Variants in ZNF618 observed in about 807,000 individuals in gnomAD.
The protein encoded by ZNF618 is neural precursor cell expressed, developmentally down-regulated 10.
Under a neutral mutation model 103.0 loss-of-function variants are expected in ZNF618, and 34 were observed. That is an observed-to-expected ratio of 0.33 (90% CI 0.25 to 0.44). ZNF618 has a LOEUF of 0.44. ZNF618 is among the 20% of genes least tolerant of loss of function. The probability of loss-of-function intolerance (pLI) is 1.00; values close to 1 mark genes in which losing one functional copy is unlikely to be tolerated. For missense variants in ZNF618, 1,059 were observed against 1,295.4 expected, an observed-to-expected ratio of 0.82 and a Z score of 2.80; for synonymous variants, 551 against 542.2, an observed-to-expected ratio of 1.02 and a Z score of -0.23.
chr9:113,983,685 C>A (rs1257823301), intron 2 of ZNF618, among the ~76,000 whole-genome samples: 1 of 152,148 alleles, frequency 6.6e-6, no homozygotes, highest in Non-Finnish European at 1.5e-5. Context: ...ACTCTCAGCT[C>A]CAGGTGTTAA....
intron 4 of ZNF618, 68 bp from the exon 5 acceptor site, chr9:114,001,928 C>T (rs1564281603): frequency 7.3e-7 from 1 of 1,367,540 alleles, no homozygotes; most frequent in Non-Finnish European, 1.0e-6. Flanking sequence ...GTAGGCATCG[C>T]CTGTGGGTCC....
chr9:113,971,455 A>G (rs1837956435), intron 2 of ZNF618, among the ~76,000 whole-genome samples: 1 of 152,144 alleles, frequency 6.6e-6, no homozygotes, highest in Non-Finnish European at 1.5e-5. Context: ...TGGTAGGCCC[A>G]GTGCTGTATG....
chr9:114,008,562 G>A lies in ZNF618; in HGVS notation c.754+8G>A, dbSNP rs955776406. The A allele has an allele frequency of 3.7e-6, 6 of 1,613,640 alleles. No individual in the cohort carries two copies. The Admixed American group carries it at 5.0e-5, about 13-fold the overall frequency. On this transcript the variant is annotated splice_region_variant and intron_variant, in intron 9 of 14. Transcript: ENST00000374126. ...TCCAGAAAATCGGGCCAAGTATGCG[G>A]GATTCCCTCTGGGGCCAAGGGCTGG...
intron 5 of ZNF618, among the ~76,000 whole-genome samples, chr9:114,002,381 C>T (rs1200315276): frequency 6.6e-6 from 1 of 152,216 alleles, no homozygotes; most frequent in Non-Finnish European, 1.5e-5. Context: ...CAGTGGCCCC[C>T]ACAGGGCACT....
intron 1 of ZNF618, among the ~76,000 whole-genome samples, chr9:113,930,347 T>G (rs1833461994): frequency 6.6e-6 from 1 of 152,240 alleles, no homozygotes; most frequent in African/African-American, 2.4e-5. Context: ...ACTAGTTAGT[T>G]TAAATCATAG....
chr9:113,974,126 A>G (rs1158880112), intron 2 of ZNF618, among the ~76,000 whole-genome samples: 1 of 152,248 alleles, frequency 6.6e-6, no homozygotes, highest in Non-Finnish European at 1.5e-5. Context: ...TGTAATAAAT[A>G]CATAAAATAT....
intron 3 of ZNF618, among the ~76,000 whole-genome samples, chr9:113,989,025 C>T (rs1427383932): frequency 2.0e-5 from 3 of 152,224 alleles, no homozygotes; most frequent in African/African-American, 7.2e-5. Flanking sequence ...TCCCCTGCCT[C>T]TTCTGGCCTG....
At chr9:113,935,013 G>T (rs1025435902) in intron 1 of ZNF618, among the ~76,000 whole-genome samples, 1 of 152,222 alleles carries the variant, frequency 6.6e-6, no homozygotes, top group Non-Finnish European at 1.5e-5. Flanking sequence ...CTGTCCCCAG[G>T]TGCAAGCCCA....
chr9:114,016,483 G>GGC (rs1307264812), intron 9 of ZNF618, among the ~76,000 whole-genome samples: 2 of 152,156 alleles, frequency 1.3e-5, no homozygotes, highest in Non-Finnish European at 2.9e-5. Flanking sequence ...GGAAAACTGA[G>GGC]GCACAGAGAG....
At chr9:113,924,093 T>C (rs1832871688) in intron 1 of ZNF618, among the ~76,000 whole-genome samples, 1 of 152,100 alleles carries the variant, frequency 6.6e-6, no homozygotes. Flanking sequence ...TTGTAGAGAA[T>C]TGGTATCATT....
intron 1 of ZNF618, among the ~76,000 whole-genome samples, chr9:113,964,199 C>T (rs1296218266): frequency 1.3e-5 from 2 of 152,176 alleles, no homozygotes; most frequent in Non-Finnish European, 2.9e-5. Context: ...GAGGCCCCCA[C>T]ATTTGTGGCA....
intron 12 of ZNF618, among the ~76,000 whole-genome samples, chr9:114,034,512 T>C (rs988233602): frequency 1.3e-5 from 2 of 152,226 alleles, no homozygotes; most frequent in Admixed American, 6.5e-5. Flanking sequence ...GAGCTTTATA[T>C]GTCTTATCTG....
intron 10 of ZNF618, among the ~76,000 whole-genome samples, chr9:114,027,469 C>T (rs1436495838): frequency 1.3e-5 from 2 of 152,330 alleles, no homozygotes; most frequent in African/African-American, 4.8e-5. Flanking sequence ...TGGGCAGCCC[C>T]AGTCCTCACA....
intron 3 of ZNF618, among the ~76,000 whole-genome samples, chr9:113,996,738 C>A (rs1406992443): frequency 6.6e-6 from 1 of 152,202 alleles, no homozygotes; most frequent in Non-Finnish European, 1.5e-5. Context: ...TGGGAGCAGT[C>A]CCAGGGCTCT....
At position 114,056,429 on chromosome 9, in the gene ZNF618, G is replaced by A. The variant is rs1037238823; in HGVS notation, c.*6262G>A. On this transcript the variant is annotated 3_prime_UTR_variant, in exon 15 of 15. Transcript: ENST00000374126. ...TTTAAGTCGCCAAAAGCCCCAGCCC[G>A]GGATTCAGTACCTCCCCTGCCCCCC... 6.6e-6 allele frequency: 1 copy of A among 152,178 alleles called. No individual in the cohort carries two copies. The highest frequency in any genetic ancestry group is 1.5e-5 in the Non-Finnish European group (1 of 68,034). 9.4% of individuals were successfully genotyped at this position (152,178 alleles called of 1,614,324 possible).
In ZNF618 at chr9:113,988,558, C is replaced by T. The variant is rs778303345; in HGVS notation, c.315C>T (p.Gly105=). 9.9e-6 allele frequency: 16 copies of T among 1,609,258 alleles called. No homozygotes were observed. The highest frequency in any genetic ancestry group is 1.7e-5 in the Admixed American group (1 of 59,794). ...CCGAGATCTGCGTGGTGATCGGCGG[C>T]GTCCGCAACCAGCAGACCCTTGGTG... The part of the protein sequence containing the change: ...VPAEICVVIG[G]VRNQQTLDGK... Residue 105 remains glycine (G), a synonymous_variant, in exon 3 of 15, where the codon GGC becomes GGT. Coordinates refer to ENST00000374126, the MANE Select transcript of ZNF618 (RefSeq NM_001318042.2).
intron 6 of ZNF618, among the ~76,000 whole-genome samples, chr9:114,003,256 C>CT (rs1841423470): frequency 6.6e-6 from 1 of 152,392 alleles, no homozygotes; most frequent in African/African-American, 2.4e-5. Context: ...CTTGCCATCC[C>CT]TCCAGTTCTA....
At chr9:113,976,153 G>A (rs188571242) in intron 2 of ZNF618, among the ~76,000 whole-genome samples, 5 of 152,268 alleles carry the variant, frequency 3.3e-5, no homozygotes, top group African/African-American at 4.8e-5. Context: ...CACAATTCAC[G>A]TCCATCAAGA....
rs550810180 is a variant in ZNF618 at position 114,001,305 on chromosome 9, C to T, written c.434-691C>T. 2.0e-4 allele frequency among the ~76,000 whole-genome samples: 30 copies of T among 151,316 alleles called. No homozygotes were observed. The East Asian group carries it at 5.4e-3, about 27-fold the overall frequency. The stretch of plus-strand genomic sequence containing the variant: ...GGGGGGCCAGGCATTTACACCATGT[C>T]GGTCTCTGTGTGTCTGAGGGAACAA... On this transcript the variant is annotated intron_variant, in intron 4 of 14. Coordinates refer to ENST00000374126, the MANE Select transcript of ZNF618 (RefSeq NM_001318042.2).
Sources: allele counts gnomAD v4.1 joint callset (sites outside exome capture counted in the v4.1 genomes callset), GRCh38; gene constraint gnomAD v4.1.1; transcripts MANE v1.5; gene names NCBI Gene and HGNC (gene_info 2026-07-23, HGNC 2026-07-21).